The following RHOH variants were observed in gnomAD, a reference collection of about 807,000 sequenced individuals.
The protein encoded by RHOH is rho-related GTP-binding protein RhoH.
A neutral mutation model predicts 13.8 loss-of-function variants in RHOH; 6 were observed. The ratio of observed to expected loss-of-function variants is 0.44; its 90% CI spans 0.24 to 0.86. RHOH has a LOEUF of 0.86. Ranked by LOEUF, RHOH falls within the 40% of genes least tolerant of loss-of-function variation. The pLI, the probability that RHOH is intolerant of heterozygous loss-of-function variation, is 0.24. For synonymous variants in RHOH, 117 were observed against 103.0 expected, an observed-to-expected ratio of 1.14 and a Z score of -0.82; for missense variants, 147 against 244.5, an observed-to-expected ratio of 0.60 and a Z score of 2.66.
intron 1 of RHOH, among the ~76,000 whole-genome samples, chr4:40,234,529 C>A (rs1004478227): frequency 6.6e-6 from 1 of 152,102 alleles, no homozygotes; most frequent in South Asian, 2.1e-4. Flanking sequence ...AAGGGGACCA[C>A]GGTCCCGGTG....
At chr4:40,233,208 A>T (rs1000240640) in intron 1 of RHOH, among the ~76,000 whole-genome samples, 1 of 152,200 alleles carries the variant, frequency 6.6e-6, no homozygotes, top group Non-Finnish European at 1.5e-5. Flanking sequence ...CTTGTAAGGT[A>T]GGTATCATTA....
chr4:40,217,694 T>C (rs577036094), intron 1 of RHOH, among the ~76,000 whole-genome samples: 52 of 152,326 alleles, frequency 3.4e-4, no homozygotes, highest in African/African-American at 1.3e-3. Flanking sequence ...ACAAGTTATT[T>C]TGTGTGGCAG....
chr4:40,194,148 A>G (rs1722894095), upstream of RHOH, among the ~76,000 whole-genome samples: 1 of 152,286 alleles, frequency 6.6e-6, no homozygotes, highest in South Asian at 2.1e-4. Flanking sequence ...GCCTCTTTAA[A>G]TCTTTTAGAA....
intron 1 of RHOH, among the ~76,000 whole-genome samples, chr4:40,202,961 T>A (rs1480438816): frequency 6.6e-6 from 1 of 152,076 alleles, no homozygotes; most frequent in Non-Finnish European, 1.5e-5. Context: ...TTTATTTATT[T>A]TTAGTTTTTT....
chr4:40,227,422 G>T (rs1033918124), intron 1 of RHOH, among the ~76,000 whole-genome samples: 8 of 150,030 alleles, frequency 5.3e-5, no homozygotes, highest in Admixed American at 4.6e-4. Context: ...TGACTCAGCT[G>T]GTTCAGTTTC....
chr4:40,199,804 G>A (rs2109352258), intron 1 of RHOH, among the ~76,000 whole-genome samples: 1 of 152,314 alleles, frequency 6.6e-6, no homozygotes, highest in Middle Eastern at 3.4e-3. Flanking sequence ...GGTTTGGGAT[G>A]CTTGGATCTG....
intron 1 of RHOH, among the ~76,000 whole-genome samples, chr4:40,219,059 A>G (rs1726216830): frequency 1.3e-5 from 2 of 152,244 alleles, no homozygotes; most frequent in African/African-American, 4.8e-5. Context: ...TTTACAATCT[A>G]TTACTAAGTG....
chr4:40,205,033 C>A (rs1041049771), intron 1 of RHOH, among the ~76,000 whole-genome samples: 2 of 152,102 alleles, frequency 1.3e-5, no homozygotes, highest in Non-Finnish European at 2.9e-5. Flanking sequence ...GAGGCCGAGG[C>A]AGGCAGATCA....
At chr4:40,207,909 T>C (rs1000854456) in intron 1 of RHOH, among the ~76,000 whole-genome samples, 2 of 152,152 alleles carry the variant, frequency 1.3e-5, no homozygotes, top group African/African-American at 2.4e-5. Flanking sequence ...GAGGTTGCAG[T>C]GAGCTGAGAT....
intron 1 of RHOH, among the ~76,000 whole-genome samples, chr4:40,240,511 T>G (rs1291534597): frequency 6.6e-6 from 1 of 152,148 alleles, no homozygotes; most frequent in East Asian, 1.9e-4. Context: ...GTGTGGTGAC[T>G]CACGCCTGTA....
intron 1 of RHOH, among the ~76,000 whole-genome samples, chr4:40,204,282 T>C (rs1020169150): frequency 1.3e-5 from 2 of 152,182 alleles, no homozygotes; most frequent in Admixed American, 6.5e-5. Context: ...AGACATGATG[T>C]GGTAAATCAA....
intron 1 of RHOH, among the ~76,000 whole-genome samples, chr4:40,232,906 C>T (rs941464610): frequency 6.6e-6 from 1 of 152,142 alleles, no homozygotes. Context: ...CTTTTAAATG[C>T]GGGGCTCCCA....
chr4:40,210,051 G>A (rs555951906), intron 1 of RHOH, among the ~76,000 whole-genome samples: 9 of 151,556 alleles, frequency 5.9e-5, no homozygotes, highest in African/African-American at 1.9e-4. Flanking sequence ...GTGAAATCTC[G>A]TGTCTGATTT....
At chr4:40,196,051 C>A (rs907595792), upstream of RHOH, among the ~76,000 whole-genome samples, 8 of 152,190 alleles carry the variant, frequency 5.3e-5, no homozygotes, top group African/African-American at 1.9e-4. Context: ...TTTCCTCCTT[C>A]TCATCCATTA....
chr4:40,239,033 C>G (rs1272551509), intron 1 of RHOH, among the ~76,000 whole-genome samples: 1 of 152,162 alleles, frequency 6.6e-6, no homozygotes, highest in Non-Finnish European at 1.5e-5. Flanking sequence ...GCAGCTCCTC[C>G]CCTACCTCCC....
chr4:40,204,416 A>G (rs376543475), intron 1 of RHOH, among the ~76,000 whole-genome samples: 1 of 152,066 alleles, frequency 6.6e-6, no homozygotes, highest in African/African-American at 2.4e-5. Flanking sequence ...TCTATTCCCC[A>G]CCTAACAGGG....
intron 1 of RHOH, among the ~76,000 whole-genome samples, chr4:40,231,836 A>T (rs980206887): frequency 5.3e-5 from 8 of 152,118 alleles, no homozygotes; most frequent in Admixed American, 1.3e-4. Flanking sequence ...GCCCAGCTTG[A>T]TCTCCCATTC....
intron 1 of RHOH, among the ~76,000 whole-genome samples, chr4:40,206,295 G>A (rs1178283274): frequency 2.0e-5 from 3 of 151,910 alleles, no homozygotes; most frequent in South Asian, 2.1e-4. Context: ...CCCTTACTAC[G>A]AACCTTTTTC....
intron 1 of RHOH, among the ~76,000 whole-genome samples, chr4:40,206,529 T>C (rs1724658320): frequency 6.6e-6 from 1 of 152,202 alleles, no homozygotes; most frequent in Non-Finnish European, 1.5e-5. Flanking sequence ...CCCTTTGGCA[T>C]ACTTTTTCTT....
Sources: allele counts gnomAD v4.1 joint callset (sites outside exome capture counted in the v4.1 genomes callset), GRCh38; gene constraint gnomAD v4.1.1; transcripts MANE v1.5; gene names NCBI Gene and HGNC (gene_info 2026-07-23, HGNC 2026-07-21).